Variants in CFAP91 observed in about 807,000 individuals in gnomAD.
CFAP91 encodes the protein cilia- and flagella-associated protein 91.
In CFAP91, 85 loss-of-function variants were observed where a neutral mutation model predicts 95.9. The ratio of observed to expected loss-of-function variants is 0.89; its 90% CI spans 0.74 to 1.06. The LOEUF (loss-of-function observed/expected upper bound fraction) is 1.06, where lower values mean the gene tolerates loss of function less well. Ranked by LOEUF, CFAP91 falls within the 50% of genes least tolerant of loss-of-function variation. The pLI is 0.00. For missense variants in CFAP91, 962 were observed against 943.4 expected, an observed-to-expected ratio of 1.02 and a Z score of -0.26; for synonymous variants, 335 against 327.5, an observed-to-expected ratio of 1.02 and a Z score of -0.25.
At chr3:119,751,681 C>T (rs1172928073) in intron 17 of CFAP91, among the ~76,000 whole-genome samples, 1 of 152,204 alleles carries the variant, frequency 6.6e-6, no homozygotes, top group South Asian at 2.1e-4. Context: ...GGAGCCCTTG[C>T]CATACCCATG....
At position 119,747,907 on chromosome 3, in the gene CFAP91, G is replaced by A. The variant is rs963175218; in HGVS notation, c.2143+5G>A. The A allele has an allele frequency of 2.5e-6, 4 of 1,604,186 alleles. No individual in the cohort carries two copies. The African/African-American group carries it at 4.0e-5, about 16-fold the overall frequency. On this transcript the variant is annotated splice_donor_5th_base_variant and intron_variant, in intron 16 of 17. Transcript: ENST00000273390. ...AATACTTTGTCAAAGAAAAAGGTAAGCCAATGTAAATGCTTTACTTTAGGA... is the reference window on the plus strand; with the variant it reads ...AATACTTTGTCAAAGAAAAAGGTAAACCAATGTAAATGCTTTACTTTAGGA...
intron 5 of CFAP91, among the ~76,000 whole-genome samples, chr3:119,713,443 G>T: frequency 6.7e-6 from 1 of 149,884 alleles, no homozygotes. Flanking sequence ...AAACATCTTT[G>T]GTGTATGTAT....
chr3:119,710,447 A>C (rs1335126884), intron 5 of CFAP91: 1 of 152,674 alleles, frequency 6.5e-6, no homozygotes, highest in African/African-American at 2.4e-5. Flanking sequence ...TCCTTTTATA[A>C]GGCACTAATC....
chr3:119,722,785 C>T (rs2053712458), intron 6 of CFAP91, among the ~76,000 whole-genome samples: 1 of 151,792 alleles, frequency 6.6e-6, no homozygotes, highest in African/African-American at 2.4e-5. Context: ...AGCCACCGCA[C>T]TTGGCTGAAA....
intron 6 of CFAP91, among the ~76,000 whole-genome samples, chr3:119,716,212 A>G (rs1355317242): frequency 5.3e-5 from 8 of 152,244 alleles, no homozygotes; most frequent in Non-Finnish European, 1.5e-5. Context: ...ATTATCTCTG[A>G]AATGCTAAAT....
chr3:119,708,769 A>G (rs1241129329), intron 4 of CFAP91, 95 bp downstream of exon 4: 10 of 720,084 alleles, frequency 1.4e-5, no homozygotes, highest in Non-Finnish European at 1.9e-5. Flanking sequence ...AGTGCATACA[A>G]CGTGCCAGAC....
chr3:119,733,262 C>T, intron 9 of CFAP91, 102 bp from the exon 10 acceptor site: 1 of 1,220,124 alleles, frequency 8.2e-7, no homozygotes, highest in Non-Finnish European at 1.1e-6. Context: ...CTCAACAATT[C>T]TAATGAAACT....
intron 6 of CFAP91, among the ~76,000 whole-genome samples, chr3:119,724,820 C>T (rs1284316727): frequency 6.6e-6 from 1 of 152,162 alleles, no homozygotes; most frequent in Non-Finnish European, 1.5e-5. Context: ...TCTTGGCTCA[C>T]TGCAACCTCC....
chr3:119,729,261 T>C (rs2053847429), intron 7 of CFAP91, among the ~76,000 whole-genome samples: 1 of 152,036 alleles, frequency 6.6e-6, no homozygotes, highest in South Asian at 2.1e-4. Flanking sequence ...GGGTCAGACT[T>C]CTGGGGGAAC....
At chr3:119,750,877 A>G in intron 16 of CFAP91, 60 bp from the exon 17 acceptor site, 3 of 1,591,762 alleles carry the variant, frequency 1.9e-6, no homozygotes, top group South Asian at 2.2e-5. Flanking sequence ...CTCTTGAAAC[A>G]TTTGGGAATG....
intron 6 of CFAP91, among the ~76,000 whole-genome samples, chr3:119,724,540 A>G (rs1294096797): frequency 6.6e-6 from 1 of 152,166 alleles, no homozygotes; most frequent in African/African-American, 2.4e-5. Flanking sequence ...ATATATATAC[A>G]TATATACACA....
chr3:119,731,695 A>G (rs1483289460), intron 8 of CFAP91, among the ~76,000 whole-genome samples: 2 of 152,194 alleles, frequency 1.3e-5, no homozygotes, highest in East Asian at 1.9e-4. Flanking sequence ...CGCACAATGC[A>G]GAGCCGCCAA....
In CFAP91 at chr3:119,755,486, G is replaced by A. The variant is rs570316219; in HGVS notation, c.*1+4388G>A. Among the ~76,000 whole-genome samples, 6 of 152,132 alleles carry A rather than the reference G, an allele frequency of 3.9e-5. No individual in the cohort carries two copies. The East Asian group carries it at 9.7e-4, about 25-fold the overall frequency. Reference sequence around the variant, plus strand: ...CCTCTCCTTCTTCCACTCCCCCTCTGCCATTCTCCCTCTCTCTCTCTTCCT... The same window carrying A: ...CCTCTCCTTCTTCCACTCCCCCTCTACCATTCTCCCTCTCTCTCTCTTCCT... On this transcript the variant is annotated intron_variant, in intron 17 of 17. Transcript: ENST00000273390.
chr3:119,744,759 G>C (rs1450990267), intron 14 of CFAP91, among the ~76,000 whole-genome samples: 2 of 152,200 alleles, frequency 1.3e-5, no homozygotes, highest in Non-Finnish European at 2.9e-5. Flanking sequence ...TCAGTAGATG[G>C]ATCTACAAGA....
chr3:119,764,590 G>A (rs570531309), intron 17 of CFAP91, among the ~76,000 whole-genome samples: 1 of 151,974 alleles, frequency 6.6e-6, no homozygotes, highest in Non-Finnish European at 1.5e-5. Context: ...TTTTTTAAAA[G>A]TTAGAAATAC....
intron 17 of CFAP91, among the ~76,000 whole-genome samples, chr3:119,760,860 G>T (rs755821960): frequency 5.3e-5 from 8 of 151,098 alleles, no homozygotes; most frequent in South Asian, 2.1e-4. Flanking sequence ...CATAGTTATG[G>T]GATGCAACAA....
intron 6 of CFAP91, among the ~76,000 whole-genome samples, chr3:119,722,294 T>C (rs1466306387): frequency 6.6e-6 from 1 of 151,404 alleles, no homozygotes; most frequent in African/African-American, 2.4e-5. Flanking sequence ...CCGTCTCTAC[T>C]AAAAATACAG....
At chr3:119,741,003 C>G (rs1028294716) in intron 13 of CFAP91, among the ~76,000 whole-genome samples, 3 of 152,132 alleles carry the variant, frequency 2.0e-5, no homozygotes, top group Non-Finnish European at 2.9e-5. Context: ...AGGCATGCAC[C>G]ACCATGCTTG....
intron 6 of CFAP91, among the ~76,000 whole-genome samples, chr3:119,721,272 A>C (rs920076352): frequency 1.3e-5 from 2 of 152,246 alleles, no homozygotes; most frequent in African/African-American, 4.8e-5. Context: ...AGTATTTTAT[A>C]GCATGCAGTG....
Sources: allele counts gnomAD v4.1 joint callset (sites outside exome capture counted in the v4.1 genomes callset), GRCh38; gene constraint gnomAD v4.1.1; transcripts MANE v1.5; gene names NCBI Gene and HGNC (gene_info 2026-07-23, HGNC 2026-07-21).